The following TASP1 variants were observed in gnomAD, a reference collection of about 807,000 sequenced individuals.
TASP1 encodes threonine aspartase 1.
Under a neutral mutation model 56.6 loss-of-function variants are expected in TASP1, and 16 were observed. The observed-to-expected ratio is 0.28, with a 90% CI of 0.19 to 0.43. The LOEUF is 0.43. TASP1 is among the 20% of genes least tolerant of loss of function. The probability of loss-of-function intolerance (pLI) is 1.00; values close to 1 mark genes in which losing one functional copy is unlikely to be tolerated. For missense variants in TASP1, 393 were observed against 511.6 expected, an observed-to-expected ratio of 0.77 and a Z score of 2.24; for synonymous variants, 179 against 184.2, an observed-to-expected ratio of 0.97 and a Z score of 0.23.
intron 13 of TASP1, among the ~76,000 whole-genome samples, chr20:13,412,246 G>A (rs955209226): frequency 1.3e-5 from 2 of 152,118 alleles, no homozygotes; most frequent in African/African-American, 4.8e-5. Flanking sequence ...CGGCCATAAA[G>A]ATTTCATTAA....
At chr20:13,155,050 G>C in the TASP1 span, among the ~76,000 whole-genome samples, 1 of 151,944 alleles carries the variant, frequency 6.6e-6, no homozygotes, top group Non-Finnish European at 1.5e-5. Flanking sequence ...GCATGGTGGT[G>C]CATGCCTGTA....
At chr20:13,518,805 G>A (rs1332126158) in intron 10 of TASP1, among the ~76,000 whole-genome samples, 2 of 152,060 alleles carry the variant, frequency 1.3e-5, no homozygotes, top group African/African-American at 4.8e-5. Flanking sequence ...ACCACCATTT[G>A]ACCCAGCAAT....
At chr20:13,536,721 A>T (rs900948233) in intron 8 of TASP1, among the ~76,000 whole-genome samples, 1 of 152,146 alleles carries the variant, frequency 6.6e-6, no homozygotes, top group Non-Finnish European at 1.5e-5. Flanking sequence ...TGTCTTCATC[A>T]GTCCTACCAG....
intron 13 of TASP1, chr20:13,393,565 GCAATGCCCTCAA>G: frequency 4.7e-6 from 4 of 843,082 alleles, no homozygotes; most frequent in Non-Finnish European, 8.1e-6. Flanking sequence ...GCTGGGGCTG[GCAATGCCCTCAA>G]CAACCACCTT....
At chr20:13,261,686 C>T in the TASP1 span, among the ~76,000 whole-genome samples, 1 of 152,188 alleles carries the variant, frequency 6.6e-6, no homozygotes, top group Non-Finnish European at 1.5e-5. Context: ...GTCCAATGAC[C>T]TTTGAAACCC....
At chr20:13,197,836 T>TAA in the TASP1 span, among the ~76,000 whole-genome samples, 2 of 152,214 alleles carry the variant, frequency 1.3e-5, no homozygotes, top group Non-Finnish European at 2.9e-5. Flanking sequence ...TAGCGATTTA[T>TAA]AAAAAGGCTT....
chr20:13,635,297 CCTG>C (rs752993152), intron 1 of TASP1, among the ~76,000 whole-genome samples: 1 of 152,108 alleles, frequency 6.6e-6, no homozygotes, highest in East Asian at 1.9e-4. Context: ...CTCTTGATCA[CCTG>C]CTTTCCTTGG....
chr20:13,433,284 A>G (rs1390235944), intron 12 of TASP1, among the ~76,000 whole-genome samples: 3 of 152,084 alleles, frequency 2.0e-5, no homozygotes, highest in Non-Finnish European at 4.4e-5. Context: ...AGCTTCATCC[A>G]TGTCCCTGCA....
intron 8 of TASP1, among the ~76,000 whole-genome samples, chr20:13,544,804 T>C (rs2045748996): frequency 6.6e-6 from 1 of 152,190 alleles, no homozygotes; most frequent in South Asian, 2.1e-4. Context: ...ACTTTCTCTT[T>C]TAAATACGAG....
intron 11 of TASP1, among the ~76,000 whole-genome samples, chr20:13,454,877 G>A (rs1011582221): frequency 6.6e-6 from 1 of 152,070 alleles, no homozygotes; most frequent in Non-Finnish European, 1.5e-5. Context: ...CACTGGGCAG[G>A]ATCTACTTTA....
chr20:13,118,876 A>G, the TASP1 span, among the ~76,000 whole-genome samples: 5 of 152,260 alleles, frequency 3.3e-5, no homozygotes, highest in Admixed American at 1.3e-4. Flanking sequence ...TGGCCCTGCC[A>G]TGAAATGCAC....
the TASP1 span, chr20:13,299,616 C>CA: frequency 1.8e-5 from 13 of 739,508 alleles, no homozygotes; most frequent in Non-Finnish European, 2.8e-5. The surrounding 1 kb of genome is among the most constrained non-coding windows in gnomAD (Gnocchi z 5.8). Context: ...GGGGCGTGTG[C>CA]CACGCCCAGG....
rs77673248 is a variant in TASP1 at position 13,579,782 on chromosome 20, T to C, written c.488+1115A>G. On this transcript the variant is annotated intron_variant, in intron 6 of 13. Coordinates refer to ENST00000337743, the MANE Select transcript of TASP1 (RefSeq NM_017714.3). ...AAACACATAATATTAAAAATTGATA[T>C]TTGAGATTTTTTTCATAATTGACTC... is the stretch of plus-strand genomic sequence containing the variant. Among the ~76,000 whole-genome samples, 970 of 152,302 alleles carry C rather than the reference T, an allele frequency of 6.4e-3. 7 individuals carry two copies. Among genetic ancestry groups the C allele is most frequent in the Non-Finnish European group, 8.6e-3 (585 of 68,016 alleles).
chr20:13,519,391 G>A (rs529145350), intron 10 of TASP1, among the ~76,000 whole-genome samples: 7 of 151,826 alleles, frequency 4.6e-5, no homozygotes, highest in East Asian at 1.9e-4. Flanking sequence ...AAATAAAACC[G>A]ATCCAGCAGC....
the TASP1 span, among the ~76,000 whole-genome samples, chr20:13,305,292 T>C: frequency 6.6e-6 from 1 of 152,114 alleles, no homozygotes; most frequent in Non-Finnish European, 1.5e-5. Context: ...TTTTAAGTAC[T>C]TTTCCATAAT....
At chr20:13,224,976 G>A in the TASP1 span, among the ~76,000 whole-genome samples, 1 of 150,462 alleles carries the variant, frequency 6.6e-6, no homozygotes, top group Non-Finnish European at 1.5e-5. Context: ...CTCCCAAGTA[G>A]CTGGGACTAC....
At chr20:13,570,861 T>C (rs568246960) in intron 6 of TASP1, among the ~76,000 whole-genome samples, 1 of 152,238 alleles carries the variant, frequency 6.6e-6, no homozygotes, top group East Asian at 1.9e-4. Context: ...CCTGATGGCA[T>C]TTTTAGCATT....
the TASP1 span, among the ~76,000 whole-genome samples, chr20:13,181,287 AG>A: frequency 2.0e-5 from 3 of 152,218 alleles, no homozygotes; most frequent in African/African-American, 2.4e-5. Context: ...AGCTGCCCAC[AG>A]GGGCAACAGG....
chr20:13,181,788 C>T, the TASP1 span, among the ~76,000 whole-genome samples: 3 of 152,122 alleles, frequency 2.0e-5, no homozygotes, highest in Non-Finnish European at 4.4e-5. Flanking sequence ...AGACGCAGTT[C>T]CTTCATCTGT....
Sources: allele counts gnomAD v4.1 joint callset (sites outside exome capture counted in the v4.1 genomes callset), GRCh38; gene constraint gnomAD v4.1.1; non-coding constraint Gnocchi (gnomAD v3.1); transcripts MANE v1.5; gene names NCBI Gene and HGNC (gene_info 2026-07-23, HGNC 2026-07-21).